The following GPHN variants were observed in gnomAD, a reference collection of about 807,000 sequenced individuals.
The protein encoded by GPHN is gephyrin.
A neutral mutation model predicts 95.5 loss-of-function variants in GPHN; 17 were observed. The ratio of observed to expected loss-of-function variants is 0.18; its 90% CI spans 0.12 to 0.27. GPHN has a LOEUF of 0.27. Among genes scored for constraint, GPHN ranks in the 10% least tolerant of loss-of-function variants. The pLI, the probability that GPHN is intolerant of heterozygous loss-of-function variation, is 1.00. For missense variants in GPHN, 660 were observed against 978.1 expected (o/e 0.67, Z 4.34); for synonymous variants, 320 against 322.5 (o/e 0.99, Z 0.08).
At chr14:66,737,307 A>G (rs2072384111) in intron 2 of GPHN, among the ~76,000 whole-genome samples, 1 of 151,592 alleles carries the variant, frequency 6.6e-6, no homozygotes, top group Non-Finnish European at 1.5e-5. Context: ...TCATGGAGAA[A>G]TTTGATTCTC....
At chr14:67,627,256 G>GATACATATAT in the GPHN span, among the ~76,000 whole-genome samples, 1 of 133,750 alleles carries the variant, frequency 7.5e-6, no homozygotes, top group African/African-American at 3.0e-5. Flanking sequence ...TCAGTAAGGA[G>GATACATATAT]ATATATATAT....
intron 9 of GPHN, among the ~76,000 whole-genome samples, chr14:66,984,969 A>G (rs975047525): frequency 7.9e-5 from 12 of 152,150 alleles, no homozygotes; most frequent in Non-Finnish European, 4.4e-5. Flanking sequence ...TCATTTATGC[A>G]GTAATGTGAA....
the GPHN span, among the ~76,000 whole-genome samples, chr14:67,245,067 T>C: frequency 6.6e-6 from 1 of 152,208 alleles, no homozygotes; most frequent in African/African-American, 2.4e-5. Flanking sequence ...GTCTAGAATC[T>C]TGAAGAGGCT....
intron 8 of GPHN, among the ~76,000 whole-genome samples, chr14:66,939,027 A>G (rs1268394069): frequency 6.6e-6 from 1 of 152,216 alleles, no homozygotes; most frequent in Non-Finnish European, 1.5e-5. Context: ...ATCTAACACC[A>G]TATACAAAAA....
At chr14:66,995,554 G>T (rs933875261) in intron 9 of GPHN, among the ~76,000 whole-genome samples, 3 of 152,104 alleles carry the variant, frequency 2.0e-5, no homozygotes, top group African/African-American at 7.2e-5. Context: ...AAAGGGATTT[G>T]TATTTTCATT....
At chr14:67,278,809 C>A in the GPHN span, among the ~76,000 whole-genome samples, 63 of 152,054 alleles carry the variant, frequency 4.1e-4, no homozygotes, top group African/African-American at 1.5e-3. Flanking sequence ...TAGTATGTTT[C>A]ACATTTTTGG....
the GPHN span, among the ~76,000 whole-genome samples, chr14:67,275,497 C>T: frequency 4.5e-4 from 69 of 152,196 alleles, no homozygotes; most frequent in African/African-American, 1.5e-3. Flanking sequence ...ATAAGCTTTT[C>T]GATGTGCTGC....
chr14:66,645,453 G>C (rs2064683752), intron 1 of GPHN, among the ~76,000 whole-genome samples: 2 of 152,020 alleles, frequency 1.3e-5, no homozygotes, highest in African/African-American at 4.8e-5. Flanking sequence ...TTGGGAGGCT[G>C]AGGCAGATGT....
intron 3 of GPHN, among the ~76,000 whole-genome samples, chr14:66,788,096 G>A (rs1189904658): frequency 3.9e-5 from 6 of 152,188 alleles, no homozygotes; most frequent in Non-Finnish European, 5.9e-5. Context: ...TTGGAAGGCC[G>A]AGGCAGGCGG....
At chr14:67,693,261 A>C in the GPHN span, among the ~76,000 whole-genome samples, 1 of 152,228 alleles carries the variant, frequency 6.6e-6, no homozygotes, top group African/African-American at 2.4e-5. Flanking sequence ...ATTCTATTAC[A>C]AGGGCAAAGC....
chr14:66,762,690 A>T (rs2058804032), intron 2 of GPHN, among the ~76,000 whole-genome samples: 1 of 152,166 alleles, frequency 6.6e-6, no homozygotes, highest in Non-Finnish European at 1.5e-5. Context: ...ATATGTAAAA[A>T]TGCCTAACAC....
chr14:67,047,334 T>TTGTGTGTGTGTG lies in GPHN; in HGVS notation c.1007-11297_1007-11286dup, dbSNP rs778266656. Among the ~76,000 whole-genome samples, 885 of 109,652 alleles carry TTGTGTGTGTGTG rather than the reference T, an allele frequency of 8.1e-3. 18 individuals carry two copies. The highest frequency in any genetic ancestry group is 0.032 in the African/African-American group (833 of 26,442). The allele number at this position is 109,652 out of a possible 152,430, so 71.9% of individuals were successfully genotyped here. ...TCATTTATTTTGTGTGTGTGTGTGT[T>TTGTGTGTGTGTG]TGTGTGTGTGTGTGTGTGTGTGTGT... On this transcript the variant is annotated intron_variant, in intron 10 of 22. Coordinates refer to ENST00000478722, the MANE Select transcript of GPHN (RefSeq NM_020806.5).
chr14:66,879,536 C>A (rs1486306131), intron 4 of GPHN, among the ~76,000 whole-genome samples: 1 of 151,900 alleles, frequency 6.6e-6, no homozygotes, highest in Non-Finnish European at 1.5e-5. Context: ...TATGGATTAT[C>A]TCAGGTTTTC....
chr14:66,545,989 G>C (rs1367752649), intron 1 of GPHN, among the ~76,000 whole-genome samples: 5 of 151,188 alleles, frequency 3.3e-5, no homozygotes, highest in Admixed American at 2.0e-4. Context: ...CGGCTTCGGG[G>C]GGGAGGGGCT....
the GPHN span, among the ~76,000 whole-genome samples, chr14:67,459,912 A>G: frequency 6.6e-6 from 1 of 152,226 alleles, no homozygotes. Flanking sequence ...ATTCTTTTAG[A>G]ACAGTGCAAA....
chr14:67,595,758 G>A, the GPHN span, among the ~76,000 whole-genome samples: 1 of 67,852 alleles, frequency 1.5e-5, no homozygotes, highest in South Asian at 4.9e-4. Context: ...ACTAGAGGAC[G>A]CTAAGGGTGG....
the GPHN span, chr14:67,729,785 A>T: frequency 3.2e-5 from 16 of 500,678 alleles, no homozygotes; most frequent in Non-Finnish European, 6.4e-5. Flanking sequence ...TTCGGTGTGA[A>T]CTCTGTCCCT....
At chr14:66,935,396 C>T (rs562573928) in intron 8 of GPHN, among the ~76,000 whole-genome samples, 71 of 150,896 alleles carry the variant, frequency 4.7e-4, no homozygotes, top group African/African-American at 1.6e-3. Flanking sequence ...GTAAATGATA[C>T]GGAAAAAACA....
intron 9 of GPHN, chr14:66,996,076 G>A: frequency 1.3e-6 from 1 of 746,698 alleles, no homozygotes; most frequent in Non-Finnish European, 2.3e-6. Context: ...TTATTATCTG[G>A]CCAAGTGTGT....
Sources: allele counts gnomAD v4.1 joint callset (sites outside exome capture counted in the v4.1 genomes callset), GRCh38; gene constraint gnomAD v4.1.1; transcripts MANE v1.5; gene names NCBI Gene and HGNC (gene_info 2026-07-23, HGNC 2026-07-21).